Variants in CDH2 observed in about 807,000 individuals in gnomAD.
CDH2 encodes cadherin 2.
Under a neutral mutation model 92.0 loss-of-function variants are expected in CDH2, and 17 were observed. The observed-to-expected ratio is 0.18, with a 90% CI of 0.13 to 0.28. The LOEUF (loss-of-function observed/expected upper bound fraction) is 0.28. CDH2 is among the 10% of genes least tolerant of loss of function. The pLI is 1.00. For missense variants in CDH2, 862 were observed against 1,133.1 expected (o/e 0.76, Z 3.44); for synonymous variants, 419 against 415.9 (o/e 1.01, Z -0.09).
At position 28,177,091 on chromosome 18, in the gene CDH2, G is replaced by A. The variant is rs1003111132; in HGVS notation, c.-69C>T. The A allele has an allele frequency of 8.0e-6, 10 of 1,245,234 alleles. No individual in the cohort carries two copies. The highest frequency in any genetic ancestry group is 3.3e-6 in the Non-Finnish European group (3 of 908,842). 77.1% of individuals were successfully genotyped at this position (1,245,234 alleles called of 1,614,324 possible). A position where few individuals can be genotyped will look rare whatever the true frequency, so the allele number is the denominator to read the frequency against. The stretch of plus-strand genomic sequence containing the variant: ...CGGCGGCGGCGGCGGCGGAGGAGGA[G>A]GAGGCAGCGGCAGCACCAACAGCGG... On this transcript the variant is annotated 5_prime_UTR_variant, in exon 1 of 16. Transcript: ENST00000269141.
At chr18:28,033,931 T>C (rs1338368755) in intron 2 of CDH2, among the ~76,000 whole-genome samples, 2 of 152,132 alleles carry the variant, frequency 1.3e-5, no homozygotes, top group Non-Finnish European at 2.9e-5. Flanking sequence ...GGTAGTCTTA[T>C]GTATTTTACA....
chr18:28,095,822 A>AAAAAAAAAAAAAAAG (rs1555641273), intron 2 of CDH2, among the ~76,000 whole-genome samples: 88 of 147,124 alleles, frequency 6.0e-4, no homozygotes, highest in African/African-American at 2.2e-3. Context: ...AAAAAAAAAA[A>AAAAAAAAAAAAAAAG]AAAGAAAGAA....
At chr18:28,018,416 A>G (rs1213950371) in intron 2 of CDH2, among the ~76,000 whole-genome samples, 1 of 152,136 alleles carries the variant, frequency 6.6e-6, no homozygotes, top group Admixed American at 6.6e-5. Flanking sequence ...GGGACCAAAA[A>G]AGAGCCTACA....
intron 15 of CDH2, among the ~76,000 whole-genome samples, chr18:27,959,800 A>AAGATATTT (rs1264527314): frequency 2.6e-5 from 4 of 152,104 alleles, no homozygotes; most frequent in Non-Finnish European, 5.9e-5. Flanking sequence ...TTTCTAGCTG[A>AAGATATTT]AGATATTTGA....
At chr18:27,959,996 CAG>C (rs1176153430) in intron 15 of CDH2, among the ~76,000 whole-genome samples, 1 of 146,642 alleles carries the variant, frequency 6.8e-6, no homozygotes, top group Non-Finnish European at 1.5e-5. Context: ...GCCTGAGCAA[CAG>C]AGAGAGACCC....
chr18:28,050,692 T>C lies in CDH2; in HGVS notation c.173-36783A>G, dbSNP rs1026129325. ...AGGAGATATAATGCCTTTTTCACTT[T>C]TGTTGCTCTGCAGGGACTCATCTAG... On this transcript the variant is annotated intron_variant, in intron 2 of 15. Transcript: ENST00000269141. Among the ~76,000 whole-genome samples, 6 of 152,130 alleles carry C rather than the reference T, an allele frequency of 3.9e-5. 1 individual carries two copies. The highest frequency in any genetic ancestry group is 3.3e-4 in the Admixed American group (5 of 15,278).
chr18:27,936,445 T>C (rs1909021163), intron 6 of CDH2, among the ~76,000 whole-genome samples: 1 of 152,148 alleles, frequency 6.6e-6, no homozygotes, highest in African/African-American at 2.4e-5. Flanking sequence ...TACCTACAGA[T>C]TCCTTTTAAT....
rs914284107 is a variant in CDH2, at chr18:28,162,575, G to C, written c.60+14388C>G. Reference sequence around the variant, plus strand: ...ATCTGTTAGATTTTCCCATTCTTAAGCCGAGTTTGCTCCATGAAACTGAGA... The same window carrying C: ...ATCTGTTAGATTTTCCCATTCTTAACCCGAGTTTGCTCCATGAAACTGAGA... On this transcript the variant is annotated intron_variant, in intron 1 of 15. Coordinates refer to ENST00000269141, the MANE Select transcript of CDH2 (RefSeq NM_001792.5). 3.9e-5 allele frequency among the ~76,000 whole-genome samples: 6 copies of C among 151,902 alleles called. 1 individual carries two copies. The highest frequency in any genetic ancestry group is 3.9e-4 in the Admixed American group (6 of 15,220).
At chr18:27,959,942 G>A (rs1250626432) in intron 15 of CDH2, among the ~76,000 whole-genome samples, 1 of 151,946 alleles carries the variant, frequency 6.6e-6, no homozygotes, top group East Asian at 1.9e-4. Context: ...TTGACCCCAG[G>A]AGGCTGAGGC....
At chr18:28,059,582 T>C (rs2014360659) in intron 2 of CDH2, among the ~76,000 whole-genome samples, 1 of 152,218 alleles carries the variant, frequency 6.6e-6, no homozygotes, top group Admixed American at 6.5e-5. Flanking sequence ...AAATACTGTC[T>C]GACCAAGTTG....
intron 2 of CDH2, among the ~76,000 whole-genome samples, chr18:28,017,028 T>C (rs2013268960): frequency 6.6e-6 from 1 of 152,182 alleles, no homozygotes. Flanking sequence ...TTATAGCTAG[T>C]ATTTTATTGA....
intron 14 of CDH2, among the ~76,000 whole-genome samples, chr18:27,976,462 T>C (rs2011833588): frequency 6.6e-6 from 1 of 152,218 alleles, no homozygotes; most frequent in Non-Finnish European, 1.5e-5. Context: ...GAGAGCCTTC[T>C]GACAAATTCG....
chr18:27,970,038 A>G (rs986340412), intron 14 of CDH2, among the ~76,000 whole-genome samples: 1 of 152,126 alleles, frequency 6.6e-6, no homozygotes. Flanking sequence ...TAATGAAAAT[A>G]TAATATTTAA....
At chr18:28,050,024 C>G (rs139561335) in intron 2 of CDH2, among the ~76,000 whole-genome samples, 3 of 152,108 alleles carry the variant, frequency 2.0e-5, no homozygotes, top group Non-Finnish European at 4.4e-5. Context: ...GCCTACCCAC[C>G]AAATTAAGGA....
intron 2 of CDH2, among the ~76,000 whole-genome samples, chr18:28,065,557 C>T (rs937744388): frequency 6.6e-6 from 1 of 152,148 alleles, no homozygotes; most frequent in African/African-American, 2.4e-5. Context: ...CAGACACTAA[C>T]TCAAGTGCCA....
intron 2 of CDH2, among the ~76,000 whole-genome samples, chr18:28,054,277 G>A (rs1490153602): frequency 6.6e-6 from 1 of 152,066 alleles, no homozygotes; most frequent in African/African-American, 2.4e-5. Context: ...TAAGCAAAAT[G>A]GGTAAACCTT....
At chr18:28,091,100 T>C (rs2015028686) in intron 2 of CDH2, among the ~76,000 whole-genome samples, 1 of 152,228 alleles carries the variant, frequency 6.6e-6, no homozygotes, top group African/African-American at 2.4e-5. Context: ...AGGATCTAGA[T>C]GTACTCTGCT....
intron 2 of CDH2, among the ~76,000 whole-genome samples, chr18:28,035,121 T>G (rs1054617070): frequency 4.6e-5 from 7 of 152,090 alleles, no homozygotes; most frequent in African/African-American, 1.7e-4. Context: ...AGGAGATATG[T>G]GGCAAGAAAA....
chr18:27,977,778 T>C (rs1433881959), intron 14 of CDH2, among the ~76,000 whole-genome samples: 3 of 152,146 alleles, frequency 2.0e-5, no homozygotes, highest in East Asian at 3.9e-4. Flanking sequence ...AAATTATTCT[T>C]TAAGACTGTC....
Sources: allele counts gnomAD v4.1 joint callset (sites outside exome capture counted in the v4.1 genomes callset), GRCh38; gene constraint gnomAD v4.1.1; transcripts MANE v1.5; gene names NCBI Gene and HGNC (gene_info 2026-07-23, HGNC 2026-07-21).